Variants in NID2 observed in about 807,000 individuals in gnomAD.
NID2 encodes the protein nidogen-2.
A neutral mutation model predicts 145.4 loss-of-function variants in NID2; 83 were observed. The ratio of observed to expected loss-of-function variants is 0.57; its 90% CI spans 0.48 to 0.69. The LOEUF (loss-of-function observed/expected upper bound fraction) is 0.69, where lower values mean the gene tolerates loss of function less well. NID2 is among the 30% of genes least tolerant of loss of function. The pLI, the probability that NID2 is intolerant of heterozygous loss-of-function variation, is 0.00. For missense variants in NID2, 1,807 were observed against 1,765.7 expected (o/e 1.02, Z -0.42); for synonymous variants, 739 against 701.3 (o/e 1.05, Z -0.85).
At chr14:52,019,785 C>T (rs1891336768) in intron 13 of NID2, among the ~76,000 whole-genome samples, 1 of 152,146 alleles carries the variant, frequency 6.6e-6, no homozygotes, top group East Asian at 1.9e-4. Flanking sequence ...CCAAATTGCA[C>T]TCATCAAGGT....
rs66551436 is a variant in NID2 at position 52,030,567 on chromosome 14, A to AGAAAGAAAGAAAGAAC, written c.2258-878_2258-877insGTTCTTTCTTTCTTTC. On this transcript the variant is annotated intron_variant, in intron 9 of 21. Transcript: ENST00000216286. ...AAGAAAGAAAGAAAGAAAGAAAGAA[A>AGAAAGAAAGAAAGAAC]GGAAGGAAGGGAAAGAAAGAAAGAA... Among the ~76,000 whole-genome samples the AGAAAGAAAGAAAGAAC allele has an allele frequency of 4.6e-4, 46 of 99,314 alleles. 3 individuals carry two copies. The highest frequency in any genetic ancestry group is 4.3e-3 in the East Asian group (13 of 3,058). 65.2% of individuals were successfully genotyped at this position (99,314 alleles called of 152,430 possible). A position where few individuals can be genotyped will look rare whatever the true frequency, so the allele number is the denominator to read the frequency against.
intron 9 of NID2, among the ~76,000 whole-genome samples, chr14:52,037,598 T>G (rs55751019): frequency 0.046 from 6,929 of 152,274 alleles, 188 homozygotes; most frequent in Middle Eastern, 0.082. Flanking sequence ...AAGTCTGACT[T>G]TATTCTTTTC....
At chr14:52,065,449 C>T (rs1042450005) in intron 2 of NID2, among the ~76,000 whole-genome samples, 1 of 135,706 alleles carries the variant, frequency 7.4e-6, no homozygotes, top group Non-Finnish European at 1.5e-5. Flanking sequence ...AAACAGAATC[C>T]TCCTTTCTTT....
At position 52,013,421 on chromosome 14, in the gene NID2, A is replaced by C. The variant is rs149815741; in HGVS notation, c.3420+866T>G. 3.3e-3 allele frequency among the ~76,000 whole-genome samples: 509 copies of C among 152,316 alleles called. 4 individuals carry two copies. Among genetic ancestry groups the C allele is most frequent in the African/African-American group, 0.011 (470 of 41,562 alleles). On this transcript the variant is annotated intron_variant, in intron 16 of 21. Coordinates refer to ENST00000216286, the MANE Select transcript of NID2 (RefSeq NM_007361.4). ...CAAACTCGAATCTTAAAAAGAACAC[A>C]TCTCTTCCTAAACACTGGCTGCCTC...
chr14:52,008,225 G>A (rs1292856347), intron 18 of NID2: 2 of 339,952 alleles, frequency 5.9e-6, no homozygotes, highest in Admixed American at 9.2e-5. Flanking sequence ...TTTGAGGGAA[G>A]CTGGATGCCA....
intron 9 of NID2, among the ~76,000 whole-genome samples, chr14:52,031,774 T>C (rs1386352355): frequency 6.6e-6 from 1 of 152,260 alleles, no homozygotes; most frequent in Non-Finnish European, 1.5e-5. Flanking sequence ...TACAGAATCT[T>C]CTATTAAAAT....
intron 3 of NID2, among the ~76,000 whole-genome samples, chr14:52,056,527 G>A (rs964593084): frequency 6.6e-6 from 1 of 152,174 alleles, no homozygotes; most frequent in African/African-American, 2.4e-5. Context: ...CAGGTACGGT[G>A]GTTCATGCCT....
chr14:52,035,090 T>C (rs1206790344), intron 9 of NID2, among the ~76,000 whole-genome samples: 1 of 152,208 alleles, frequency 6.6e-6, no homozygotes, highest in Non-Finnish European at 1.5e-5. Context: ...GTGTGGTGCA[T>C]TTGTTATCCC....
intron 9 of NID2, among the ~76,000 whole-genome samples, chr14:52,035,867 T>TAC (rs1555364234): frequency 2.3e-5 from 3 of 132,946 alleles, no homozygotes; most frequent in African/African-American, 8.7e-5. Context: ...TATATATATA[T>TAC]ATATATATAT....
intron 16 of NID2, among the ~76,000 whole-genome samples, chr14:52,013,095 A>G (rs1891091989): frequency 6.6e-6 from 1 of 152,192 alleles, no homozygotes; most frequent in South Asian, 2.1e-4. Flanking sequence ...GCTTCCATTA[A>G]CCCGGGAATC....
chr14:52,018,386 T>C (rs145643295), intron 14 of NID2, among the ~76,000 whole-genome samples: 1 of 152,308 alleles, frequency 6.6e-6, no homozygotes, highest in African/African-American at 2.4e-5. Context: ...AAAGTTGCCT[T>C]ATCTGCCTGC....
rs996748679 is a variant in NID2, at chr14:52,006,014, T to G, written c.4005-165A>C. 8.2e-6 allele frequency: 5 copies of G among 608,090 alleles called. No individual in the cohort carries two copies. The East Asian group carries it at 1.4e-4, about 17-fold the overall frequency. 37.7% of individuals were successfully genotyped at this position (608,090 alleles called of 1,614,324 possible). On this transcript the variant is annotated intron_variant, in intron 20 of 21. Transcript: ENST00000216286. Reference sequence around the variant, plus strand: ...GAAGTTTGAAGACCATTGCTCTAAATCCATTGCTCATCTCTAGCTGCATGT... The same window carrying G: ...GAAGTTTGAAGACCATTGCTCTAAAGCCATTGCTCATCTCTAGCTGCATGT...
At chr14:52,014,703 CAG>C (rs1007901587) in intron 15 of NID2, among the ~76,000 whole-genome samples, 2 of 151,128 alleles carry the variant, frequency 1.3e-5, no homozygotes, top group Admixed American at 1.3e-4. Context: ...CAAAGCAGAA[CAG>C]ATTTTTTTTT....
intron 16 of NID2, 86 bp downstream of exon 16, chr14:52,014,201 T>C: frequency 1.3e-6 from 2 of 1,554,522 alleles, no homozygotes; most frequent in Non-Finnish European, 1.8e-6. Flanking sequence ...CCTGCACCAG[T>C]CCACCTCACT....
At chr14:52,023,386 C>T (rs10137847) in intron 12 of NID2, among the ~76,000 whole-genome samples, 77,816 of 151,560 alleles carry the variant, frequency 0.51, 20,466 homozygotes, top group East Asian at 0.68. Context: ...GCCTGGAAGG[C>T]TGAGGCTGCA....
intron 18 of NID2, 80 bp from the exon 19 acceptor site, chr14:52,008,047 T>C (rs1488592263): frequency 1.8e-6 from 2 of 1,133,146 alleles, no homozygotes; most frequent in African/African-American, 3.1e-5. Context: ...CCCAGTGATC[T>C]CCATCTCCTC....
chr14:52,014,961 C>T, intron 15 of NID2, 93 bp downstream of exon 15: 1 of 996,702 alleles, frequency 1.0e-6, no homozygotes, highest in Non-Finnish European at 1.5e-6. Context: ...GACCTGGTGA[C>T]CCCACATGTC....
At position 52,027,231 on chromosome 14, in the gene NID2, C is replaced by G. The variant is rs1891618487; in HGVS notation, c.2644G>C (p.Gly882Arg). Residue 882 changes from glycine (G) to arginine (R), a missense_variant, in exon 12 of 22, where the codon GGT (glycine) becomes CGT (arginine). Transcript: ENST00000216286. ...CACTGGTGCCCATCGCCGGCATAAC[C>G]AGGCAGGCAGGCACAGCTGAACGTG... ...GSTFSCACLP[G>R]YAGDGHQCTD... 2 of 1,566,816 alleles carry G rather than the reference C, an allele frequency of 1.3e-6. No individual in the cohort carries two copies. The highest frequency in any genetic ancestry group is 2.4e-5 in the South Asian group (2 of 84,908).
chr14:52,030,491 AAG>A (rs1491050230), intron 9 of NID2, among the ~76,000 whole-genome samples: 1 of 98,840 alleles, frequency 1.0e-5, no homozygotes, highest in African/African-American at 3.8e-5. Flanking sequence ...AAAAGAAAGA[AAG>A]AAAGAAAGAG....
Sources: gnomAD v4.1 joint callset for allele counts (sites outside exome capture counted in the v4.1 genomes callset) on GRCh38, gnomAD v4.1.1 for gene constraint, MANE v1.5 for transcripts, NCBI Gene and HGNC (gene_info 2026-07-23, HGNC 2026-07-21) for gene names.